FMR1: variants seen among roughly 807,000 people sequenced by gnomAD.
The protein encoded by FMR1 is fragile X messenger ribonucleoprotein 1.
FMR1 carries 13 observed loss-of-function variants against 50.6 expected under a neutral mutation model. The ratio of observed to expected loss-of-function variants is 0.26; its 90% CI spans 0.17 to 0.41. FMR1 has a LOEUF of 0.41. FMR1 is among the 10% of genes least tolerant of loss of function. FMR1 has a pLI of 1.00. For synonymous variants in FMR1, 138 were observed against 164.1 expected, an observed-to-expected ratio of 0.84 and a Z score of 1.22; for missense variants, 316 against 491.3, an observed-to-expected ratio of 0.64 and a Z score of 3.37.
chrX:147,933,535 AC>A, intron 9 of FMR1: 1 of 911,647 alleles, frequency 1.1e-6, no homozygotes. Context: ...TATCACCATC[AC>A]CATCGTGAGT....
rs6626955 is a variant in FMR1, at chrX:147,923,892, G to A, written c.105-1648G>A. Among the ~76,000 whole-genome samples, 680 of 111,745 alleles carry A rather than the reference G, an allele frequency of 6.1e-3. 21 individuals carry two copies. In the East Asian group the frequency reaches 0.13, roughly 21 times the overall value. ...TTTGGTTTTCTGTTAGAAACAAAAC[G>A]AAAACAGTGTTTTGTAAAACACCAG... is the stretch of plus-strand genomic sequence containing the variant. On this transcript the variant is annotated intron_variant, in intron 2 of 16. Transcript: ENST00000370475.
chrX:147,916,714 T>C (rs1317307350), intron 1 of FMR1, among the ~76,000 whole-genome samples: 3 of 110,853 alleles, frequency 2.7e-5, no homozygotes, highest in African/African-American at 9.9e-5. Context: ...TTCTTTGGTT[T>C]GTTTCTTTGT....
intron 9 of FMR1, among the ~76,000 whole-genome samples, chrX:147,935,587 T>G (rs1161852929): frequency 8.9e-6 from 1 of 112,281 alleles, no homozygotes; most frequent in African/African-American, 3.2e-5. Context: ...CATGTACATT[T>G]CCAGAATTAG....
rs1931664471 is a variant in FMR1, at chrX:147,912,090, C to CGGCGGCGGA, written c.-82_-81insAGGCGGCGG. 1 of 507,029 alleles carries CGGCGGCGGA rather than the reference C, an allele frequency of 2.0e-6. No individual in the cohort carries two copies. The highest frequency in any genetic ancestry group is 2.7e-5 in the African/African-American group (1 of 36,702). The allele number at this position is 507,029 out of a possible 1,213,427, so 41.8% of individuals were successfully genotyped here. On this transcript the variant is annotated 5_prime_UTR_variant, in exon 1 of 17. Coordinates refer to ENST00000370475, the MANE Select transcript of FMR1 (RefSeq NM_002024.6). ...GCGGCGGCGGCGGCGGAGGCGGCGG[C>CGGCGGCGGA]GGCGGCGGCGGCGGCGGCGGCTGGG...
intron 13 of FMR1, among the ~76,000 whole-genome samples, chrX:147,941,798 T>G (rs1261137087): frequency 8.9e-6 from 1 of 112,569 alleles, no homozygotes; most frequent in Non-Finnish European, 1.9e-5. Context: ...TTCTTTTGAC[T>G]AATGTTCTTT....
At chrX:147,927,436 C>T (rs29277) in intron 3 of FMR1, among the ~76,000 whole-genome samples, 7,455 of 111,525 alleles carry the variant, frequency 0.067, 219 homozygotes, top group Middle Eastern at 0.12. Context: ...ATTGTGTGAT[C>T]ATTAACTTTG....
intron 11 of FMR1, 33 bp from the exon 12 acceptor site, chrX:147,938,066 A>G (rs781994603): frequency 8.9e-7 from 1 of 1,124,147 alleles, no homozygotes; most frequent in South Asian, 1.8e-5. Flanking sequence ...GTTATAGTTA[A>G]TGACATCCCT....
At chrX:147,923,553 T>C (rs1210704146) in intron 2 of FMR1, among the ~76,000 whole-genome samples, 2 of 112,157 alleles carry the variant, frequency 1.8e-5, no homozygotes, top group Non-Finnish European at 3.8e-5. Context: ...ACTCATTTCC[T>C]CTATGCATTT....
At chrX:147,926,582 G>T (rs1557177620) in intron 3 of FMR1, among the ~76,000 whole-genome samples, 4 of 110,452 alleles carry the variant, frequency 3.6e-5, no homozygotes, top group Admixed American at 9.7e-5. Context: ...CCGCCTCCCG[G>T]GTTCTAGCGA....
At chrX:147,938,639 T>C (rs2043872342) in intron 12 of FMR1, among the ~76,000 whole-genome samples, 1 of 111,980 alleles carries the variant, frequency 8.9e-6, no homozygotes, top group Admixed American at 9.5e-5. Flanking sequence ...AGCATAGCAC[T>C]TAAACATAGA....
intron 1 of FMR1, 52 bp downstream of exon 1, chrX:147,912,282 C>T (rs1557174050): frequency 4.5e-6 from 5 of 1,099,193 alleles, no homozygotes; most frequent in Non-Finnish European, 6.1e-6. Flanking sequence ...CCTCCCTTTT[C>T]TTCTTGGTGT....
chrX:147,948,508 A>C (rs2044250383), intron 16 of FMR1, 175 bp from the exon 17 acceptor site: 1 of 1,089,841 alleles, frequency 9.2e-7, no homozygotes, highest in Non-Finnish European at 1.2e-6. Flanking sequence ...TTTTAAAATC[A>C]TAAACCAAAT....
At chrX:147,916,777 G>A (rs1347825322) in intron 1 of FMR1, among the ~76,000 whole-genome samples, 1 of 110,515 alleles carries the variant, frequency 9.0e-6, no homozygotes, top group Non-Finnish European at 1.9e-5. Context: ...TCTCACTGTC[G>A]CCCAGGTTGG....
At chrX:147,925,327 G>A (rs910924854) in intron 2 of FMR1, among the ~76,000 whole-genome samples, 1 of 111,718 alleles carries the variant, frequency 9.0e-6, no homozygotes, top group African/African-American at 3.3e-5. Context: ...ATTCCAAACG[G>A]GAGTAGGCTG....
chrX:147,923,343 A>G (rs1321695671), intron 2 of FMR1, among the ~76,000 whole-genome samples: 1 of 112,095 alleles, frequency 8.9e-6, no homozygotes, highest in Non-Finnish European at 1.9e-5. Context: ...TCATATATCC[A>G]TGGCTATGCA....
chrX:147,913,974 G>T (rs1373273559), intron 1 of FMR1: 1 of 112,047 alleles, frequency 8.9e-6, no homozygotes, highest in Non-Finnish European at 1.9e-5. Flanking sequence ...ACTAAAGTTT[G>T]CTTATCACAG....
intron 16 of FMR1, chrX:147,947,709 G>GAA (rs376534373): frequency 2.1e-5 from 2 of 95,322 alleles, no homozygotes; most frequent in Non-Finnish European, 2.1e-5. Context: ...GACTGTCTGG[G>GAA]AAAAAAAAAA....
At chrX:147,946,529 T>A (rs782426475) in intron 16 of FMR1, among the ~76,000 whole-genome samples, 2 of 112,383 alleles carry the variant, frequency 1.8e-5, no homozygotes, top group South Asian at 7.4e-4. Flanking sequence ...GCACCTTTGC[T>A]AAGTGCTTTG....
chrX:147,936,374 TTACAA>T (rs1211796572), intron 9 of FMR1, 125 bp from the exon 10 acceptor site: 14 of 475,693 alleles, frequency 2.9e-5, no homozygotes, highest in Non-Finnish European at 4.7e-5. Flanking sequence ...TTTTGAAATC[TTACAA>T]TTCAATACAT....
Sources: allele counts gnomAD v4.1 joint callset (sites outside exome capture counted in the v4.1 genomes callset), GRCh38; gene constraint gnomAD v4.1.1; transcripts MANE v1.5; gene names NCBI Gene and HGNC (gene_info 2026-07-23, HGNC 2026-07-21).